PCSK2: variants seen among roughly 807,000 people sequenced by gnomAD.
PCSK2 encodes the protein proprotein convertase subtilisin/kexin type 2.
PCSK2 carries 14 observed loss-of-function variants against 69.7 expected under a neutral mutation model. The ratio of observed to expected loss-of-function variants is 0.20; its 90% CI spans 0.13 to 0.31. PCSK2 has a LOEUF of 0.31. Among genes scored for constraint, PCSK2 ranks in the 10% least tolerant of loss-of-function variants. The probability of loss-of-function intolerance (pLI) is 1.00; values close to 1 mark genes in which losing one functional copy is unlikely to be tolerated. For missense variants in PCSK2, 544 were observed against 842.5 expected (o/e 0.65, Z 4.39); for synonymous variants, 307 against 320.7 (o/e 0.96, Z 0.46).
intron 4 of PCSK2, among the ~76,000 whole-genome samples, chr20:17,364,083 C>T (rs1368830570): frequency 6.6e-6 from 1 of 151,478 alleles, no homozygotes; most frequent in Non-Finnish European, 1.5e-5. Context: ...CACATGTATA[C>T]ACATGTAATT....
At chr20:17,412,288 G>T (rs1300849595) in intron 6 of PCSK2, among the ~76,000 whole-genome samples, 1 of 152,114 alleles carries the variant, frequency 6.6e-6, no homozygotes, top group Non-Finnish European at 1.5e-5. Flanking sequence ...CTTGAAAAAA[G>T]GTTAGATGAA....
chr20:17,465,667 GT>G (rs1438377749), intron 11 of PCSK2, 114 bp downstream of exon 11: 7 of 695,058 alleles, frequency 1.0e-5, no homozygotes, highest in Non-Finnish European at 1.4e-5. Context: ...TGTATTTTTT[GT>G]TTGTTTGTTT....
At chr20:17,401,040 T>C (rs2031625303) in intron 5 of PCSK2, among the ~76,000 whole-genome samples, 3 of 152,232 alleles carry the variant, frequency 2.0e-5, no homozygotes, top group Admixed American at 2.0e-4. Context: ...GTGGAATTGC[T>C]GGGTCAAACA....
chr20:17,355,451 G>A (rs954486041), intron 2 of PCSK2, among the ~76,000 whole-genome samples: 6 of 152,104 alleles, frequency 3.9e-5, no homozygotes, highest in Non-Finnish European at 8.8e-5. Flanking sequence ...AAGGCCTCTC[G>A]TTGTGGAACC....
intron 1 of PCSK2, among the ~76,000 whole-genome samples, chr20:17,255,306 T>C (rs1414302666): frequency 2.0e-5 from 3 of 152,202 alleles, no homozygotes; most frequent in Admixed American, 2.0e-4. Context: ...TTTTCATAGA[T>C]AGATTTATCA....
chr20:17,479,289 A>G lies in PCSK2; in HGVS notation c.1431-2295A>G. The G allele has an allele frequency of 1.2e-5, 11 of 928,304 alleles. No homozygotes were observed. The South Asian group carries it at 1.3e-4, about 11-fold the overall frequency. 57.5% of individuals were successfully genotyped at this position (928,304 alleles called of 1,614,324 possible). On this transcript the variant is annotated intron_variant, in intron 11 of 11. Transcript: ENST00000262545. ...AGGCAGATGTGTTAACGATAATTCC[A>G]CTATGCTTGCGGTCCACTGGTTGAT...
At chr20:17,260,819 C>T (rs1211850408) in intron 2 of PCSK2, among the ~76,000 whole-genome samples, 1 of 152,196 alleles carries the variant, frequency 6.6e-6, no homozygotes, top group Non-Finnish European at 1.5e-5. Context: ...TCTCAGTATC[C>T]ATGCATGACT....
At chr20:17,242,869 T>C (rs376460893) in intron 1 of PCSK2, among the ~76,000 whole-genome samples, 2 of 152,254 alleles carry the variant, frequency 1.3e-5, no homozygotes, top group Non-Finnish European at 2.9e-5. Flanking sequence ...TTCATCTAAA[T>C]AATGTGGCTT....
Position 17,317,929 on chromosome 20 carries a change from T to A in PCSK2, c.283-40398T>A, listed in dbSNP as rs1989740299. Among the ~76,000 whole-genome samples the A allele has an allele frequency of 5.9e-5, 9 of 152,318 alleles. No homozygotes were observed. The South Asian group carries it at 1.9e-3, about 32-fold the overall frequency. ...ATAACCAAATAGCTTGAGGGTTGCC[T>A]GCAGCAGAGATGAAGAGAATAAATC... On this transcript the variant is annotated intron_variant, in intron 2 of 11. Coordinates refer to ENST00000262545, the MANE Select transcript of PCSK2 (RefSeq NM_002594.5).
At chr20:17,407,732 G>A (rs911576915) in intron 5 of PCSK2, among the ~76,000 whole-genome samples, 29 of 152,188 alleles carry the variant, frequency 1.9e-4, no homozygotes, top group Admixed American at 1.3e-4. Flanking sequence ...GGAAGGAGTC[G>A]AAAAACTGGC....
chr20:17,359,378 G>A (rs1030239686), intron 3 of PCSK2, among the ~76,000 whole-genome samples: 2 of 152,034 alleles, frequency 1.3e-5, no homozygotes, highest in African/African-American at 4.8e-5. Flanking sequence ...ACAACCCTCG[G>A]ATCACAGTAG....
At chr20:17,460,407 A>C (rs1175536827) in intron 10 of PCSK2, among the ~76,000 whole-genome samples, 2 of 152,188 alleles carry the variant, frequency 1.3e-5, no homozygotes, top group South Asian at 2.1e-4. Context: ...GCCACACTTC[A>C]AGGGAGGCTG....
intron 2 of PCSK2, among the ~76,000 whole-genome samples, chr20:17,293,713 C>T (rs935213494): frequency 1.3e-5 from 2 of 152,014 alleles, no homozygotes; most frequent in East Asian, 1.9e-4. Context: ...TCTTTGGATT[C>T]GATTTGTCAA....
At chr20:17,429,830 C>T (rs2032327907) in intron 7 of PCSK2, among the ~76,000 whole-genome samples, 1 of 152,148 alleles carries the variant, frequency 6.6e-6, no homozygotes, top group Admixed American at 6.5e-5. Context: ...ATGTCCCCTT[C>T]CAGTTACTAC....
chr20:17,342,714 A>AC (rs1455231390), intron 2 of PCSK2, among the ~76,000 whole-genome samples: 1 of 151,594 alleles, frequency 6.6e-6, no homozygotes, highest in Non-Finnish European at 1.5e-5. Context: ...GCTCACTGCA[A>AC]CCTTGACCTC....
chr20:17,400,534 C>T (rs6131943), intron 5 of PCSK2, among the ~76,000 whole-genome samples: 73,702 of 151,824 alleles, frequency 0.49, 18,172 homozygotes, highest in Middle Eastern at 0.65. Flanking sequence ...ATACAAAATA[C>T]GCACTCCATA....
chr20:17,317,205 A>G (rs759005540), intron 2 of PCSK2, among the ~76,000 whole-genome samples: 4 of 152,146 alleles, frequency 2.6e-5, no homozygotes, highest in Non-Finnish European at 4.4e-5. Context: ...CTCCCTAATA[A>G]AGAAGAACTT....
chr20:17,247,077 T>A (rs1391988087), intron 1 of PCSK2, among the ~76,000 whole-genome samples: 2 of 152,164 alleles, frequency 1.3e-5, no homozygotes, highest in Admixed American at 1.3e-4. Context: ...ATTTCCTACT[T>A]GACTTGGAAG....
At chr20:17,236,638 T>C (rs1986349483) in intron 1 of PCSK2, among the ~76,000 whole-genome samples, 1 of 152,196 alleles carries the variant, frequency 6.6e-6, no homozygotes, top group African/African-American at 2.4e-5. Context: ...CTTAAAATTC[T>C]AATGTTACCA....
Sources: gnomAD v4.1 joint callset for allele counts (sites outside exome capture counted in the v4.1 genomes callset) on GRCh38, gnomAD v4.1.1 for gene constraint, MANE v1.5 for transcripts, NCBI Gene and HGNC (gene_info 2026-07-23, HGNC 2026-07-21) for gene names.